The following ADAM18 variants were observed in gnomAD, a reference collection of about 807,000 sequenced individuals.
The protein encoded by ADAM18 is ADAM metallopeptidase domain 18, also known as disintegrin and metalloproteinase domain-containing protein 18.
Under a neutral mutation model 94.4 loss-of-function variants are expected in ADAM18, and 117 were observed. The observed-to-expected ratio is 1.24, with a 90% CI of 1.07 to 1.45. The LOEUF is 1.45. ADAM18 is among the 40% of genes most tolerant of loss of function. The probability of loss-of-function intolerance (pLI) is 0.00; values close to 1 mark genes in which losing one functional copy is unlikely to be tolerated. For missense variants in ADAM18, 936 were observed against 880.0 expected (o/e 1.06, Z -0.81); for synonymous variants, 327 against 291.6 (o/e 1.12, Z -1.24).
intron 2 of ADAM18, among the ~76,000 whole-genome samples, chr8:39,592,245 C>T (rs1213230410): frequency 1.3e-5 from 2 of 152,090 alleles, no homozygotes; most frequent in Non-Finnish European, 2.9e-5. Flanking sequence ...TCTTTTAAAG[C>T]TAGACATTAA....
intron 18 of ADAM18, among the ~76,000 whole-genome samples, chr8:39,717,688 A>G (rs1359915007): frequency 6.6e-6 from 1 of 151,658 alleles, no homozygotes; most frequent in East Asian, 1.9e-4. Context: ...GATTCATTAC[A>G]TTGATCTTGG....
At chr8:39,657,905 T>A in intron 12 of ADAM18, among the ~76,000 whole-genome samples, 1 of 152,180 alleles carries the variant, frequency 6.6e-6, no homozygotes, top group East Asian at 1.9e-4. Flanking sequence ...GATGTCATAG[T>A]AAGAACATAA....
At chr8:39,596,849 T>C (rs1818755234) in intron 2 of ADAM18, among the ~76,000 whole-genome samples, 1 of 152,234 alleles carries the variant, frequency 6.6e-6, no homozygotes, top group South Asian at 2.1e-4. Context: ...GTTGTCAGTG[T>C]TTGCGTTTTG....
At chr8:39,726,278 T>TTGTG (rs752595824) in intron 19 of ADAM18, among the ~76,000 whole-genome samples, 2 of 134,726 alleles carry the variant, frequency 1.5e-5, no homozygotes, top group Non-Finnish European at 3.2e-5. Flanking sequence ...ACACACACAT[T>TTGTG]TGTGTGTGTG....
chr8:39,635,636 C>A (rs979401187), intron 7 of ADAM18, among the ~76,000 whole-genome samples: 2 of 152,100 alleles, frequency 1.3e-5, no homozygotes, highest in African/African-American at 4.8e-5. Context: ...CTAATTCAGT[C>A]CTCAATTATA....
In ADAM18 at chr8:39,593,974, C is replaced by T. The variant is rs183593031; in HGVS notation, c.132+8622C>T. On this transcript the variant is annotated intron_variant, in intron 2 of 19. Coordinates refer to ENST00000265707, the MANE Select transcript of ADAM18 (RefSeq NM_014237.3). Reference sequence around the variant, plus strand: ...TAAATCCAGTCAATCTGTAATTTTGCCTATTCATATCATTTATATTTAACG... The same window carrying T: ...TAAATCCAGTCAATCTGTAATTTTGTCTATTCATATCATTTATATTTAACG... 2.2e-3 allele frequency among the ~76,000 whole-genome samples: 331 copies of T among 152,142 alleles called. 4 individuals are homozygous for T. Among genetic ancestry groups the T allele is most frequent in the Admixed American group, 0.011 (162 of 15,276 alleles).
At chr8:39,705,451 A>T (rs150997935) in intron 17 of ADAM18, among the ~76,000 whole-genome samples, 2 of 152,226 alleles carry the variant, frequency 1.3e-5, no homozygotes, top group East Asian at 3.9e-4. Flanking sequence ...AAGATGCATA[A>T]GGCCAGATCA....
chr8:39,723,819 C>T lies in ADAM18; in HGVS notation c.2089C>T (p.Leu697=). 6.3e-7 allele frequency: 1 copy of T among 1,586,564 alleles called. No individual in the cohort carries two copies. The highest frequency in any genetic ancestry group is 8.6e-7 in the Non-Finnish European group (1 of 1,166,586). The change falls in exon 19 of 20, where the codon CTG becomes TTG. Residue 697 remains leucine, a synonymous_variant. Transcript: ENST00000265707. ...GTTTATTCTGAGTTTCTGCATTTTTCTGCCGTTTTTCATAGTTTTCACCAC... is the reference window on the plus strand; with the variant it reads ...GTTTATTCTGAGTTTCTGCATTTTTTTGCCGTTTTTCATAGTTTTCACCAC... The part of the protein sequence containing the change: ...NWFILSFCIF[L]PFFIVFTTVI...
intron 3 of ADAM18, among the ~76,000 whole-genome samples, chr8:39,607,387 A>G (rs1350046496): frequency 6.6e-6 from 1 of 152,190 alleles, no homozygotes; most frequent in Non-Finnish European, 1.5e-5. Flanking sequence ...ATTTATAGCA[A>G]CTGTCCCTTG....
chr8:39,648,233 A>G (rs1473966398), intron 11 of ADAM18, 111 bp from the exon 12 acceptor site: 3 of 686,194 alleles, frequency 4.4e-6, no homozygotes, highest in African/African-American at 1.8e-5. Context: ...CTGCTAAAGT[A>G]TAAATTTTGG....
At chr8:39,700,394 T>C (rs953845144) in intron 17 of ADAM18, among the ~76,000 whole-genome samples, 1 of 152,168 alleles carries the variant, frequency 6.6e-6, no homozygotes, top group East Asian at 1.9e-4. Flanking sequence ...GTCAGATGTA[T>C]GTGACAAAGT....
At position 39,610,632 on chromosome 8, in the gene ADAM18, G is replaced by T. The variant is rs147230372; in HGVS notation, c.448G>T (p.Val150Leu). The T allele has an allele frequency of 1.2e-5, 19 of 1,612,852 alleles. No individual in the cohort carries two copies. In the African/African-American group the frequency reaches 2.3e-4, roughly 19 times the overall value. The change falls in exon 6 of 20, where the codon GTA becomes TTA. Residue 150 changes from valine to leucine, a missense_variant. By Grantham distance (32) the Val-to-Leu change is conservative. Coordinates refer to ENST00000265707, the MANE Select transcript of ADAM18 (RefSeq NM_014237.3). ...TCAAATGAAAAATAATGATCCAAAT[G>T]TATCCATTTTAGCAGTAAATTACAG... The part of the protein sequence containing the change: ...IYQMKNNDPN[V>L]SILAVNYSHI...
intron 10 of ADAM18, among the ~76,000 whole-genome samples, chr8:39,642,856 T>A (rs1820273914): frequency 6.6e-6 from 1 of 152,184 alleles, no homozygotes; most frequent in South Asian, 2.1e-4. Context: ...TAGTACTGAA[T>A]CTATAAACTG....
In ADAM18 at chr8:39,610,648, T is replaced by C. The variant is rs779347108; in HGVS notation, c.464T>C (p.Val155Ala). The C allele has an allele frequency of 1.5e-5, 24 of 1,613,078 alleles. 1 individual carries two copies. The highest frequency in any genetic ancestry group is 3.4e-6 in the Non-Finnish European group (4 of 1,179,414). ...GATCCAAATGTATCCATTTTAGCAG[T>C]AAATTACAGTCATATTTGGCAGAAA... is the stretch of plus-strand genomic sequence containing the variant. ...NNDPNVSILA[V>A]NYSHIWQKDQ... Residue 155 changes from valine (V) to alanine (A), a missense_variant, in exon 6 of 20, where the codon GTA becomes GCA. Transcript: ENST00000265707.
intron 16 of ADAM18, among the ~76,000 whole-genome samples, chr8:39,680,690 G>C (rs1015463992): frequency 6.6e-6 from 1 of 152,134 alleles, no homozygotes; most frequent in African/African-American, 2.4e-5. Flanking sequence ...GTATATACAT[G>C]CATGAATATA....
intron 17 of ADAM18, among the ~76,000 whole-genome samples, chr8:39,702,794 C>A (rs117416250): frequency 6.6e-6 from 1 of 151,986 alleles, no homozygotes; most frequent in African/African-American, 2.4e-5. Context: ...AGATAGTTGT[C>A]GGTGTGTGAT....
intron 19 of ADAM18, among the ~76,000 whole-genome samples, chr8:39,726,428 C>G (rs1247937841): frequency 6.6e-6 from 1 of 151,986 alleles, no homozygotes; most frequent in Non-Finnish European, 1.5e-5. Context: ...TGCCTGGCCA[C>G]CCATATATAT....
intron 13 of ADAM18, among the ~76,000 whole-genome samples, chr8:39,665,827 AAT>A (rs1001583633): frequency 6.6e-6 from 1 of 152,176 alleles, no homozygotes; most frequent in African/African-American, 2.4e-5. Context: ...ATAAAAACAA[AAT>A]ATGTTTTTAC....
intron 14 of ADAM18, among the ~76,000 whole-genome samples, chr8:39,669,989 T>C (rs974631543): frequency 2.6e-5 from 4 of 152,214 alleles, no homozygotes; most frequent in Non-Finnish European, 5.9e-5. Context: ...TTTTCCTGAC[T>C]TTTTAATGAT....
Sources: gnomAD v4.1 joint callset for allele counts (sites outside exome capture counted in the v4.1 genomes callset) on GRCh38, gnomAD v4.1.1 for gene constraint, MANE v1.5 for transcripts, NCBI Gene and HGNC (gene_info 2026-07-23, HGNC 2026-07-21) for gene names.